The following RHEB variants were observed in gnomAD, a reference collection of about 807,000 sequenced individuals.
RHEB encodes the protein Ras homolog, mTORC1 binding.
In RHEB, 2 loss-of-function variants were observed where a neutral mutation model predicts 28.8. The observed-to-expected ratio is 0.07, with a 90% CI of 0.03 to 0.22. The LOEUF (loss-of-function observed/expected upper bound fraction) is 0.22, where lower values mean the gene tolerates loss of function less well. Ranked by LOEUF, RHEB falls within the 10% of genes least tolerant of loss-of-function variation. The pLI is 1.00. For synonymous variants in RHEB, 69 were observed against 77.3 expected, an observed-to-expected ratio of 0.89 and a Z score of 0.56; for missense variants, 76 against 219.9, an observed-to-expected ratio of 0.35 and a Z score of 4.14.
At chr7:151,485,191 G>A (rs1802447904) in intron 2 of RHEB, among the ~76,000 whole-genome samples, 1 of 152,144 alleles carries the variant, frequency 6.6e-6, no homozygotes, top group Admixed American at 6.5e-5. Context: ...TAATTTATAG[G>A]AAGTCTGGCA....
intron 2 of RHEB, among the ~76,000 whole-genome samples, chr7:151,489,020 A>G (rs1802530778): frequency 6.6e-6 from 1 of 152,166 alleles, no homozygotes. Flanking sequence ...AGATCACTGC[A>G]GCCTCAAACT....
chr7:151,484,902 G>GC, intron 2 of RHEB, 98 bp from the exon 3 acceptor site: 1 of 751,066 alleles, frequency 1.3e-6, no homozygotes, highest in South Asian at 1.6e-5. Flanking sequence ...AGAGTCCCTA[G>GC]CAGTCTCAGA....
At chr7:151,493,224 C>T (rs1340621422) in intron 1 of RHEB, among the ~76,000 whole-genome samples, 2 of 152,060 alleles carry the variant, frequency 1.3e-5, no homozygotes, top group Admixed American at 6.5e-5. Context: ...CGCCAACAGC[C>T]CCCGACAACC....
chr7:151,484,682 G>T (rs943769884), intron 3 of RHEB, 55 bp downstream of exon 3: 2 of 1,305,964 alleles, frequency 1.5e-6, no homozygotes, highest in Non-Finnish European at 2.2e-6. Context: ...TCAGTGCTAG[G>T]ACCAAGACTG....
chr7:151,469,771 G>C (rs906371656), intron 7 of RHEB, among the ~76,000 whole-genome samples: 1 of 152,162 alleles, frequency 6.6e-6, no homozygotes, highest in African/African-American at 2.4e-5. Context: ...TGATGTGATG[G>C]AAAGTACAAG....
In RHEB at chr7:151,472,448, A is replaced by C. The variant is rs533722990; in HGVS notation, c.276-843T>G. Among the ~76,000 whole-genome samples, 54 of 152,234 alleles carry C rather than the reference A, an allele frequency of 3.5e-4. No individual in the cohort carries two copies. Among genetic ancestry groups the C allele is most frequent in the Admixed American group, 1.2e-3 (19 of 15,294 alleles). On this transcript the variant is annotated intron_variant, in intron 4 of 7. Coordinates refer to ENST00000262187, the MANE Select transcript of RHEB (RefSeq NM_005614.4). This position sits in a 1 kb window ranked among gnomAD's most constrained non-coding sequence, Gnocchi z 5.2. ...TGGGTGGCCATCTTTACTCGGCCCC[A>C]GTGACTCTCAAGCCGCAAACTTCTG...
At position 151,470,242 on chromosome 7, in the gene RHEB, CT is replaced by C. The variant is rs371576808; in HGVS notation, c.462+328del. The C allele has an allele frequency of 6.3e-3, 1,049 of 165,544 alleles. 7 individuals carry two copies. The highest frequency in any genetic ancestry group is 0.011 in the Non-Finnish European group (827 of 77,336). The allele number at this position is 165,544 out of a possible 1,614,324, so 10.3% of individuals were successfully genotyped here. On this transcript the variant is annotated intron_variant, in intron 7 of 7. Coordinates refer to ENST00000262187, the MANE Select transcript of RHEB (RefSeq NM_005614.4). ...AAATTAGTACTAAAGTGATATAATT[CT>C]TTTTTTTTCCCCTGTATGGACTTAT...
intron 1 of RHEB, among the ~76,000 whole-genome samples, chr7:151,493,131 G>A (rs1327512599): frequency 4.6e-5 from 7 of 152,060 alleles, no homozygotes; most frequent in Admixed American, 2.0e-4. Flanking sequence ...GTGAGCCACC[G>A]CGCCTGCCCT....
At chr7:151,484,650 G>C (rs1165614369) in intron 3 of RHEB, 87 bp downstream of exon 3, 1 of 979,978 alleles carries the variant, frequency 1.0e-6, no homozygotes, top group African/African-American at 1.6e-5. Context: ...GGTTTTCTTG[G>C]CATAGCTGGT....
At chr7:151,482,632 A>C (rs1002144555) in intron 3 of RHEB, among the ~76,000 whole-genome samples, 1 of 152,238 alleles carries the variant, frequency 6.6e-6, no homozygotes, top group African/African-American at 2.4e-5. Flanking sequence ...AGGATACAAA[A>C]GCAAACTGAA....
chr7:151,483,107 T>A (rs1259787723), intron 3 of RHEB, among the ~76,000 whole-genome samples: 1 of 152,230 alleles, frequency 6.6e-6, no homozygotes, highest in African/African-American at 2.4e-5. Flanking sequence ...AGGCACATGC[T>A]ATAGCTCTGT....
intron 3 of RHEB, among the ~76,000 whole-genome samples, chr7:151,479,501 T>A (rs1466195659): frequency 6.6e-6 from 1 of 151,916 alleles, no homozygotes; most frequent in Non-Finnish European, 1.5e-5. Context: ...GCTAACACAG[T>A]GAAACCCCGT....
chr7:151,488,478 A>G (rs141321298), intron 2 of RHEB, among the ~76,000 whole-genome samples: 27 of 152,378 alleles, frequency 1.8e-4, no homozygotes, highest in African/African-American at 6.5e-4. Flanking sequence ...TTATCTTGCT[A>G]GCAACAAGTT....
chr7:151,480,614 A>G (rs1461907995), intron 3 of RHEB, among the ~76,000 whole-genome samples: 2 of 151,850 alleles, frequency 1.3e-5, no homozygotes, highest in African/African-American at 4.8e-5. Flanking sequence ...ATTAAACTCA[A>G]TTTTCAAAAA....
intron 1 of RHEB, among the ~76,000 whole-genome samples, chr7:151,495,944 C>T (rs1802665218): frequency 6.6e-6 from 1 of 152,196 alleles, no homozygotes; most frequent in Non-Finnish European, 1.5e-5. Flanking sequence ...TCCCCCCTCC[C>T]ACCGACTCCC....
At chr7:151,509,390 A>T (rs1563101491) in intron 1 of RHEB, among the ~76,000 whole-genome samples, 1 of 151,472 alleles carries the variant, frequency 6.6e-6, no homozygotes, top group Non-Finnish European at 1.5e-5. Flanking sequence ...CAGGTGCATA[A>T]ATAAATCTGG....
intron 1 of RHEB, among the ~76,000 whole-genome samples, chr7:151,514,375 G>A (rs1256219998): frequency 6.6e-6 from 1 of 152,132 alleles, no homozygotes; most frequent in African/African-American, 2.4e-5. Flanking sequence ...AGATATATCG[G>A]CCTTCAAATT....
chr7:151,509,960 CT>C (rs1300571261), intron 1 of RHEB, among the ~76,000 whole-genome samples: 4 of 152,250 alleles, frequency 2.6e-5, no homozygotes, highest in African/African-American at 9.6e-5. Flanking sequence ...ACTATCTGGC[CT>C]TTTACAGAAC....
At chr7:151,481,735 G>T (rs905977040) in intron 3 of RHEB, among the ~76,000 whole-genome samples, 2 of 152,118 alleles carry the variant, frequency 1.3e-5, no homozygotes, top group African/African-American at 4.8e-5. Flanking sequence ...AGCCAAATTT[G>T]GATATATTTT....
Sources: allele counts gnomAD v4.1 joint callset (sites outside exome capture counted in the v4.1 genomes callset), GRCh38; gene constraint gnomAD v4.1.1; non-coding constraint Gnocchi (gnomAD v3.1); transcripts MANE v1.5; gene names NCBI Gene and HGNC (gene_info 2026-07-23, HGNC 2026-07-21).